TP63: variants seen among roughly 807,000 people sequenced by gnomAD.
The protein encoded by TP63 is tumor protein 63.
Under a neutral mutation model 82.8 loss-of-function variants are expected in TP63, and 17 were observed. The ratio of observed to expected loss-of-function variants is 0.21; its 90% CI spans 0.14 to 0.31. The LOEUF (loss-of-function observed/expected upper bound fraction) is 0.31, where lower values mean the gene tolerates loss of function less well. Among genes scored for constraint, TP63 ranks in the 10% least tolerant of loss-of-function variants. TP63 has a pLI of 1.00. For missense variants in TP63, 648 were observed against 895.3 expected (o/e 0.72, Z 3.52); for synonymous variants, 330 against 321.7 (o/e 1.03, Z -0.28).
chr3:189,718,688 T>A (rs569513500), intron 1 of TP63, among the ~76,000 whole-genome samples: 1 of 152,048 alleles, frequency 6.6e-6, no homozygotes, highest in South Asian at 2.1e-4. Flanking sequence ...AATTCAATGT[T>A]TCAATTGTTA....
At chr3:189,786,475 A>ACG (rs1724610938) in intron 3 of TP63, among the ~76,000 whole-genome samples, 1 of 150,238 alleles carries the variant, frequency 6.7e-6, no homozygotes, top group South Asian at 2.1e-4. Flanking sequence ...ACACACACAC[A>ACG]CACACACGCA....
At chr3:189,661,345 T>C (rs1357469951) in intron 1 of TP63, among the ~76,000 whole-genome samples, 1 of 152,114 alleles carries the variant, frequency 6.6e-6, no homozygotes, top group East Asian at 1.9e-4. Flanking sequence ...GGTTTTTGTT[T>C]TGAATTCTGT....
At chr3:189,679,092 A>G (rs78494480) in intron 1 of TP63, among the ~76,000 whole-genome samples, 2,508 of 152,162 alleles carry the variant, frequency 0.016, 27 homozygotes, top group Middle Eastern at 0.051. Flanking sequence ...TGCTTCAGTG[A>G]ACATGGGGGT....
intron 1 of TP63, among the ~76,000 whole-genome samples, chr3:189,690,344 G>A (rs2108717639): frequency 6.6e-6 from 1 of 152,186 alleles, no homozygotes; most frequent in South Asian, 2.1e-4. Context: ...TCCTGGCCCT[G>A]ATAGTAACTT....
intron 10 of TP63, among the ~76,000 whole-genome samples, chr3:189,884,135 G>A (rs1577191584): frequency 6.6e-6 from 1 of 152,268 alleles, no homozygotes. Context: ...GTACTTTTCA[G>A]TGAGCAAAGA....
intron 10 of TP63, among the ~76,000 whole-genome samples, chr3:189,878,829 A>G (rs1719572503): frequency 8.4e-6 from 1 of 118,660 alleles, no homozygotes; most frequent in Non-Finnish European, 1.8e-5. Flanking sequence ...GGGTTTCACC[A>G]TGTTGGCCAG....
At chr3:189,597,479 A>G in the TP63 span, among the ~76,000 whole-genome samples, 1 of 152,360 alleles carries the variant, frequency 6.6e-6, no homozygotes, top group African/African-American at 2.4e-5. Context: ...GTAGAATCTC[A>G]AAGATGTTTT....
chr3:189,845,188 TG>T (rs1714698983), intron 4 of TP63, among the ~76,000 whole-genome samples: 1 of 152,218 alleles, frequency 6.6e-6, no homozygotes, highest in Non-Finnish European at 1.5e-5. Flanking sequence ...TCAAGTATTT[TG>T]GGTTATTTGA....
intron 13 of TP63, among the ~76,000 whole-genome samples, chr3:189,893,641 A>C (rs1721240656): frequency 6.6e-6 from 1 of 152,020 alleles, no homozygotes; most frequent in East Asian, 1.9e-4. Flanking sequence ...TAAGTCCCTA[A>C]TTTTTTCACT....
intron 3 of TP63, among the ~76,000 whole-genome samples, chr3:189,771,327 T>TATATAATATATTATATATTTAA (rs1553835381): frequency 1.5e-5 from 2 of 131,722 alleles, no homozygotes; most frequent in African/African-American, 6.4e-5. Flanking sequence ...TATATATTTA[T>TATATAATATATTATATATTTAA]ATATAATATA....
intron 1 of TP63, among the ~76,000 whole-genome samples, chr3:189,672,634 AAGGG>A (rs370937814): frequency 0.12 from 11,908 of 103,230 alleles, 765 homozygotes; most frequent in East Asian, 0.26. Context: ...GGAAGGAAGG[AAGGG>A]AGGGAGGGAG....
At chr3:189,618,902 CACTTTTTCCAG>C in the TP63 span, among the ~76,000 whole-genome samples, 3 of 152,158 alleles carry the variant, frequency 2.0e-5, no homozygotes, top group East Asian at 1.9e-4. Flanking sequence ...CATTGATCAT[CACTTTTTCCAG>C]ACTTTTTCAA....
chr3:189,842,064 G>A lies in TP63; in HGVS notation c.580-22168G>A, dbSNP rs77018696. The stretch of plus-strand genomic sequence containing the variant: ...AGAAATGATAGTGTAGTAGCCCGCG[G>A]TTTTGCAGGCAGTTGGGAGTAGCAA... On this transcript the variant is annotated intron_variant, in intron 4 of 13. Coordinates refer to ENST00000264731, the MANE Select transcript of TP63 (RefSeq NM_003722.5). 9.2e-5 allele frequency among the ~76,000 whole-genome samples: 14 copies of A among 152,310 alleles called. No individual in the cohort carries two copies. The East Asian group carries it at 2.7e-3, about 29-fold the overall frequency.
chr3:189,862,617 T>C (rs6803332), intron 4 of TP63, among the ~76,000 whole-genome samples: 20,081 of 152,226 alleles, frequency 0.13, 1,534 homozygotes, highest in African/African-American at 0.22. Context: ...ACGAAATTCA[T>C]GGTTAGATTA....
chr3:189,614,324 C>A, the TP63 span, among the ~76,000 whole-genome samples: 1 of 152,168 alleles, frequency 6.6e-6, no homozygotes, highest in Non-Finnish European at 1.5e-5. Context: ...CCTCATTTTT[C>A]TCTTGCTGCC....
At chr3:189,836,986 T>G (rs1451370826) in intron 4 of TP63, among the ~76,000 whole-genome samples, 1 of 152,232 alleles carries the variant, frequency 6.6e-6, no homozygotes, top group African/African-American at 2.4e-5. Flanking sequence ...ACTTCTCACA[T>G]GCAAAGTTAT....
intron 1 of TP63, among the ~76,000 whole-genome samples, chr3:189,734,065 TTTC>T (rs1359680829): frequency 4.6e-5 from 7 of 151,838 alleles, no homozygotes; most frequent in Admixed American, 6.6e-5. Context: ...TTTCTTTTTC[TTTC>T]TTTTCTTTCT....
At chr3:189,732,850 G>A (rs1184724295) in intron 1 of TP63, among the ~76,000 whole-genome samples, 1 of 152,186 alleles carries the variant, frequency 6.6e-6, no homozygotes, top group African/African-American at 2.4e-5. Flanking sequence ...CTCTGCAGCA[G>A]GTTAATTGTT....
intron 1 of TP63, among the ~76,000 whole-genome samples, chr3:189,708,895 G>A (rs1027928842): frequency 2.0e-5 from 3 of 152,152 alleles, no homozygotes; most frequent in South Asian, 4.1e-4. Context: ...GCTGGAACAC[G>A]AGAGTTAAGA....
Sources: allele counts gnomAD v4.1 joint callset (sites outside exome capture counted in the v4.1 genomes callset), GRCh38; gene constraint gnomAD v4.1.1; transcripts MANE v1.5; gene names NCBI Gene and HGNC (gene_info 2026-07-23, HGNC 2026-07-21).